Variants in ZNF224 observed in about 807,000 individuals in gnomAD.
ZNF224 encodes the protein bone marrow zinc finger 2.
In ZNF224, 8 loss-of-function variants were observed where a neutral mutation model predicts 10.5. The ratio of observed to expected loss-of-function variants is 0.76; its 90% CI spans 0.45 to 1.37. ZNF224 has a LOEUF of 1.37. ZNF224 is among the 40% of genes most tolerant of loss of function. The pLI is 0.00. For synonymous variants in ZNF224, 282 were observed against 287.8 expected, an observed-to-expected ratio of 0.98 and a Z score of 0.20; for missense variants, 754 against 854.0, an observed-to-expected ratio of 0.88 and a Z score of 1.46.
At position 44,107,717 on chromosome 19, in the gene ZNF224, G is replaced by T; in HGVS notation, c.1557G>T (p.Lys519Asn). The change falls in exon 6 of 6, where the codon AAG becomes AAT. Residue 519 changes from lysine to asparagine, a missense_variant. Lys to Asn is a moderately conservative substitution (Grantham distance 94). Coordinates refer to ENST00000693561, the MANE Select transcript of ZNF224 (RefSeq NM_001321645.3). ...EKPYKCEKCG[K>N]GYNSKFNLDM... ...CATACAAATGTGAGAAGTGTGGAAA[G>T]GGCTACAATAGTAAGTTTAATCTTG... 6.2e-7 allele frequency: 1 copy of T among 1,613,888 alleles called. No individual in the cohort carries two copies.
Position 44,100,923 on chromosome 19 carries a change from A to G in ZNF224, c.138A>G (p.Ser46=). The G allele has an allele frequency of 6.2e-7, 1 of 1,613,974 alleles. No individual in the cohort carries two copies. The highest frequency in any genetic ancestry group is 8.5e-7 in the Non-Finnish European group (1 of 1,179,894). The change falls in exon 4 of 6, where the codon TCA becomes TCG. Residue 46 remains serine, a synonymous_variant. Coordinates refer to ENST00000693561, the MANE Select transcript of ZNF224 (RefSeq NM_001321645.3). The stretch of plus-strand genomic sequence containing the variant: ...TGGAGAACTTCAGGAACCTGCTCTC[A>G]GTGGGTGAGGACAGGCACCCTCTGT... The part of the protein sequence containing the change: ...VMLENFRNLL[S]VGHQAFHRDT...
In ZNF224 at chr19:44,107,505, G is replaced by T. The variant is rs146457821; in HGVS notation, c.1345G>T (p.Val449Phe). ...RRLDLDFHQRVHTGEKLYNCK... is the reference protein window; with the variant it reads ...RRLDLDFHQRFHTGEKLYNCK... The stretch of plus-strand genomic sequence containing the variant: ...GTTGGATCTTGACTTTCACCAGCGC[G>T]TCCATACAGGAGAGAAACTGTATAA... The change falls in exon 6 of 6, where the codon GTC becomes TTC. Residue 449 changes from valine to phenylalanine, a missense_variant. Physicochemically the swap from Val to Phe is conservative, Grantham distance 50. Coordinates refer to ENST00000693561, the MANE Select transcript of ZNF224 (RefSeq NM_001321645.3). 19 of 1,606,064 alleles carry T rather than the reference G, an allele frequency of 1.2e-5. No homozygotes were observed. In the East Asian group the frequency reaches 1.8e-4, roughly 15 times the overall value.
Position 44,109,019 on chromosome 19 carries a change from C to CA in ZNF224, c.*736dup. 5.0e-6 allele frequency: 1 copy of CA among 200,290 alleles called. No homozygotes were observed. 12.4% of individuals were successfully genotyped at this position (200,290 alleles called of 1,614,324 possible). ...TTCCCCCCATCCTGTGCTCTGAAGT[C>CA]AGAGTATTATTTGTGGCTCTATGAA... is the stretch of plus-strand genomic sequence containing the variant. On this transcript the variant is annotated 3_prime_UTR_variant, in exon 6 of 6. Coordinates refer to ENST00000693561, the MANE Select transcript of ZNF224 (RefSeq NM_001321645.3).
intron 2 of ZNF224, chr19:44,097,186 T>G (rs555786838): frequency 1.2e-5 from 2 of 162,886 alleles, no homozygotes; most frequent in East Asian, 3.6e-4. Context: ...TATTCTTTGT[T>G]CAACTACAAA....
At chr19:44,103,805 C>T (rs994991961) in intron 5 of ZNF224, among the ~76,000 whole-genome samples, 3 of 152,080 alleles carry the variant, frequency 2.0e-5, no homozygotes, top group Non-Finnish European at 4.4e-5. Context: ...ATTCTCATAC[C>T]TCGGCCTCCC....
At chr19:44,099,823 TA>T (rs1177981504) in intron 3 of ZNF224, among the ~76,000 whole-genome samples, 13 of 150,280 alleles carry the variant, frequency 8.7e-5, no homozygotes, top group African/African-American at 2.7e-4. Context: ...TGAAGTTAGG[TA>T]AAAAAAAAAA....
Position 44,108,185 on chromosome 19 carries a change from G to A in ZNF224, c.2025G>A (p.Met675Ile), listed in dbSNP as rs1355543920. 1 of 1,614,114 alleles carries A rather than the reference G, an allele frequency of 6.2e-7. No individual in the cohort carries two copies. Among genetic ancestry groups the A allele is most frequent in the Non-Finnish European group, 8.5e-7 (1 of 1,180,044 alleles). The part of the protein sequence containing the change: ...LNLDMHQRVH[M>I]GEKTWKCREC... ...TTGATATGCATCAGAGGGTCCACAT[G>A]GGAGAGAAAACATGGAAGTGTAGGG... Residue 675 changes from methionine to isoleucine, a missense_variant, in exon 6 of 6, where the codon ATG becomes ATA. Coordinates refer to ENST00000693561, the MANE Select transcript of ZNF224 (RefSeq NM_001321645.3).
intron 3 of ZNF224, 49 bp downstream of exon 3, chr19:44,097,937 A>G: frequency 6.2e-7 from 1 of 1,605,324 alleles, no homozygotes; most frequent in Non-Finnish European, 8.5e-7. Context: ...CTCAGTACTT[A>G]AATTGTCACA....
At chr19:44,102,640 G>C (rs113441711) in intron 5 of ZNF224, among the ~76,000 whole-genome samples, 301 of 152,280 alleles carry the variant, frequency 2.0e-3, no homozygotes, top group Non-Finnish European at 3.1e-3. Context: ...TGTGTTTACG[G>C]TGGACCCACA....
chr19:44,099,510 A>G (rs1967505282), intron 3 of ZNF224, among the ~76,000 whole-genome samples: 1 of 152,176 alleles, frequency 6.6e-6, no homozygotes, highest in South Asian at 2.1e-4. Context: ...GTCAATAAAT[A>G]TTTGAAAAGA....
At position 44,108,162 on chromosome 19, in the gene ZNF224, G is replaced by T. The variant is rs1437615183; in HGVS notation, c.2002G>T (p.Asp668Tyr). 2 of 1,614,226 alleles carry T rather than the reference G, an allele frequency of 1.2e-6. No homozygotes were observed. The highest frequency in any genetic ancestry group is 1.7e-6 in the Non-Finnish European group (2 of 1,180,034). The change falls in exon 6 of 6, where the codon GAT becomes TAT. Residue 668 changes from aspartate (D) to tyrosine (Y), a missense_variant. By Grantham distance (160) the Asp-to-Tyr change is radical (BLOSUM62 -3). Coordinates refer to ENST00000693561, the MANE Select transcript of ZNF224 (RefSeq NM_001321645.3). ...GKGYNRRLNLDMHQRVHMGEK... is the reference protein window; with the variant it reads ...GKGYNRRLNLYMHQRVHMGEK... Reference sequence around the variant, plus strand: ...GGGCTACAACAGGCGCTTGAATCTTGATATGCATCAGAGGGTCCACATGGG... The same window carrying T: ...GGGCTACAACAGGCGCTTGAATCTTTATATGCATCAGAGGGTCCACATGGG...
Position 44,106,431 on chromosome 19 carries a change from G to A in ZNF224, c.271G>A (p.Glu91Lys). The stretch of plus-strand genomic sequence containing the variant: ...CCAAACTGAGATGGAGACTGTTTCA[G>A]AAGCAGGAACACATCAAGAGTGGTC... ...KIQTEMETVS[E>K]AGTHQEWSFQ... The change falls in exon 6 of 6, where the codon GAA becomes AAA. Residue 91 changes from glutamate (E) to lysine (K), a missense_variant. Glu to Lys is a moderately conservative substitution (Grantham distance 56, BLOSUM62 1). Transcript: ENST00000693561. 6.2e-7 allele frequency: 1 copy of A among 1,614,140 alleles called. No homozygotes were observed.
At chr19:44,104,749 A>C (rs964427857) in intron 5 of ZNF224, among the ~76,000 whole-genome samples, 2 of 151,664 alleles carry the variant, frequency 1.3e-5, no homozygotes, top group Non-Finnish European at 2.9e-5. Flanking sequence ...GCAAGCTCCA[A>C]CTCCTGGGTT....
chr19:44,106,653 T>C lies in ZNF224; in HGVS notation c.493T>C (p.Phe165Leu). 6.3e-7 allele frequency: 1 copy of C among 1,592,886 alleles called. No individual in the cohort carries two copies. ...CTTCAGTGATGTCTCCCACTTTGAT[T>C]TTCATCAACAATTACACTCAGGAGA... ...PSFSDVSHFD[F>L]HQQLHSGEKS... Residue 165 changes from phenylalanine (F) to leucine (L), a missense_variant, in exon 6 of 6, where the codon TTT becomes CTT. By Grantham distance (22) the Phe-to-Leu change is conservative. Coordinates refer to ENST00000693561, the MANE Select transcript of ZNF224 (RefSeq NM_001321645.3).
At chr19:44,102,873 C>G (rs1371653440) in intron 5 of ZNF224, among the ~76,000 whole-genome samples, 1 of 152,188 alleles carries the variant, frequency 6.6e-6, no homozygotes, top group Non-Finnish European at 1.5e-5. Flanking sequence ...AGCTAGCTTT[C>G]CTTTGAGAGA....
intron 3 of ZNF224, 77 bp from the exon 4 acceptor site, chr19:44,100,724 C>A: frequency 1.3e-6 from 2 of 1,533,928 alleles, no homozygotes; most frequent in South Asian, 1.3e-5. Context: ...CACCCCTCCC[C>A]TCTGTCTGCT....
chr19:44,097,559 A>G (rs1002822854), intron 2 of ZNF224: 6 of 315,172 alleles, frequency 1.9e-5, no homozygotes, highest in Non-Finnish European at 3.5e-5. Flanking sequence ...AGGTTCATGT[A>G]TGTTGTAGCA....
rs759516060 is a variant in ZNF224 at position 44,106,518 on chromosome 19, A to G, written c.358A>G (p.Asn120Asp). ...DLTRSQDLMI[N>D]SSQFSKEGDF... ...AACCAGGTCTCAAGACTTGATGATAAATAGCTCTCAGTTCTCCAAAGAAGG... is the reference window on the plus strand; with the variant it reads ...AACCAGGTCTCAAGACTTGATGATAGATAGCTCTCAGTTCTCCAAAGAAGG... Residue 120 changes from asparagine to aspartate, a missense_variant, in exon 6 of 6, where the codon AAT becomes GAT. Asn to Asp is a conservative substitution (Grantham distance 23). Coordinates refer to ENST00000693561, the MANE Select transcript of ZNF224 (RefSeq NM_001321645.3). 3.1e-6 allele frequency: 5 copies of G among 1,614,094 alleles called. 1 individual carries two copies. The Admixed American group carries it at 6.7e-5, about 22-fold the overall frequency.
chr19:44,100,239 T>C (rs1417702604), intron 3 of ZNF224, among the ~76,000 whole-genome samples: 1 of 152,228 alleles, frequency 6.6e-6, no homozygotes, highest in Non-Finnish European at 1.5e-5. Context: ...GCCTTATATA[T>C]GCGCTCTGAG....
Sources: gnomAD v4.1 joint callset for allele counts (sites outside exome capture counted in the v4.1 genomes callset) on GRCh38, gnomAD v4.1.1 for gene constraint, MANE v1.5 for transcripts, NCBI Gene and HGNC (gene_info 2026-07-23, HGNC 2026-07-21) for gene names.